Variants in SLC20A2 observed in about 807,000 individuals in gnomAD.
SLC20A2 encodes the protein sodium-dependent phosphate transporter 2.
In SLC20A2, 30 loss-of-function variants were observed where a neutral mutation model predicts 61.0. That is an observed-to-expected ratio of 0.49 (90% CI 0.37 to 0.67). The LOEUF (loss-of-function observed/expected upper bound fraction) is 0.67, where lower values mean the gene tolerates loss of function less well. Among genes scored for constraint, SLC20A2 ranks in the 30% least tolerant of loss-of-function variants. The probability of loss-of-function intolerance (pLI) is 0.00; values close to 1 mark genes in which losing one functional copy is unlikely to be tolerated. For missense variants in SLC20A2, 626 were observed against 866.4 expected, an observed-to-expected ratio of 0.72 and a Z score of 3.48; for synonymous variants, 351 against 353.3, an observed-to-expected ratio of 0.99 and a Z score of 0.07.
chr8:42,502,898 T>C (rs1455266198), upstream of SLC20A2, among the ~76,000 whole-genome samples: 7 of 152,240 alleles, frequency 4.6e-5, no homozygotes, highest in African/African-American at 1.4e-4. Context: ...TATTATGTCA[T>C]AGTTCAGGAC....
At chr8:42,445,275 G>C (rs1011024619) in intron 5 of SLC20A2, among the ~76,000 whole-genome samples, 13 of 151,918 alleles carry the variant, frequency 8.6e-5, no homozygotes, top group Non-Finnish European at 1.0e-4. Context: ...CTGGGCAACA[G>C]AGCGAGACTC....
At chr8:42,511,200 T>C (rs1396791062) in intron 1 of SLC20A2, among the ~76,000 whole-genome samples, 2 of 152,234 alleles carry the variant, frequency 1.3e-5, no homozygotes, top group Non-Finnish European at 2.9e-5. Context: ...GAAGGGCAGA[T>C]GCCCACGTGT....
chr8:42,537,031 C>T (rs1395763326), intron 1 of SLC20A2, among the ~76,000 whole-genome samples: 15 of 151,082 alleles, frequency 9.9e-5, no homozygotes, highest in Non-Finnish European at 1.5e-5. Flanking sequence ...GGCAAGATCG[C>T]GCTGCTGCAC....
chr8:42,430,748 C>T (rs1324468080), intron 8 of SLC20A2, among the ~76,000 whole-genome samples: 1 of 152,200 alleles, frequency 6.6e-6, no homozygotes, highest in African/African-American at 2.4e-5. Flanking sequence ...GCAGTATGTG[C>T]TCACGTCATG....
chr8:42,481,929 C>T (rs550816746), intron 1 of SLC20A2, among the ~76,000 whole-genome samples: 5 of 152,276 alleles, frequency 3.3e-5, no homozygotes, highest in African/African-American at 1.2e-4. Context: ...TTCTTCCCAG[C>T]CGTAAAGCTT....
chr8:42,506,933 C>G (rs1046360163), intron 1 of SLC20A2, among the ~76,000 whole-genome samples: 5 of 152,188 alleles, frequency 3.3e-5, no homozygotes, highest in Non-Finnish European at 7.3e-5. Flanking sequence ...CTTGCAACTT[C>G]GAAATGCCCG....
At chr8:42,440,113 A>G (rs1337594856) in intron 6 of SLC20A2, among the ~76,000 whole-genome samples, 1 of 151,954 alleles carries the variant, frequency 6.6e-6, no homozygotes, top group African/African-American at 2.4e-5. Flanking sequence ...AAAAGAAAAG[A>G]AAGTCAAAAG....
chr8:42,517,558 C>A (rs146231241), intron 1 of SLC20A2, among the ~76,000 whole-genome samples: 115 of 152,180 alleles, frequency 7.6e-4, no homozygotes, highest in African/African-American at 2.7e-3. Flanking sequence ...ATAAAATGTA[C>A]AAGTGTACAC....
At chr8:42,445,942 T>C (rs145065344) in intron 5 of SLC20A2, among the ~76,000 whole-genome samples, 12 of 152,308 alleles carry the variant, frequency 7.9e-5, no homozygotes, top group African/African-American at 2.6e-4. Flanking sequence ...TTGAAATCAA[T>C]TGAGAAATAA....
intron 1 of SLC20A2, among the ~76,000 whole-genome samples, chr8:42,518,321 A>G (rs1038931100): frequency 2.6e-5 from 4 of 152,226 alleles, no homozygotes; most frequent in Non-Finnish European, 5.9e-5. Context: ...ATTATTTTAC[A>G]TAAAGCCATA....
intron 5 of SLC20A2, among the ~76,000 whole-genome samples, chr8:42,450,121 A>T (rs1466564460): frequency 1.3e-5 from 2 of 152,186 alleles, no homozygotes; most frequent in Non-Finnish European, 2.9e-5. Context: ...ATTCTGAAAC[A>T]ACTTAGTTGA....
chr8:42,445,482 T>C (rs1298573023), intron 5 of SLC20A2, among the ~76,000 whole-genome samples: 2 of 151,846 alleles, frequency 1.3e-5, no homozygotes, highest in East Asian at 3.9e-4. Flanking sequence ...TCCCAGCACT[T>C]TGGGAGGCCG....
intron 1 of SLC20A2, among the ~76,000 whole-genome samples, chr8:42,482,953 G>C (rs1428304742): frequency 1.3e-5 from 2 of 152,178 alleles, no homozygotes; most frequent in Non-Finnish European, 2.9e-5. Flanking sequence ...GGCTGAGGCA[G>C]GAGAGTCGCT....
chr8:42,500,284 T>A (rs1810237909), intron 1 of SLC20A2, among the ~76,000 whole-genome samples: 1 of 152,246 alleles, frequency 6.6e-6, no homozygotes, highest in African/African-American at 2.4e-5. Context: ...CACTTCTAAA[T>A]AAGCAAGATG....
rs1381278651 is a variant in SLC20A2 at position 42,520,948 on chromosome 8, T to C, written c.-265+20873A>G. ...ATATGTTGGACTCAGCTGCAAATTA[T>C]ACAGAAAGATATTTTAAAACAAGGT... On this transcript the variant is annotated intron_variant, in intron 1 of 10. Coordinates refer to the SLC20A2 transcript ENST00000342228. Among the ~76,000 whole-genome samples, 3 of 121,112 alleles carry C rather than the reference T, an allele frequency of 2.5e-5. 1 individual carries two copies. The highest frequency in any genetic ancestry group is 7.6e-5 in the African/African-American group (3 of 39,446). The allele number at this position is 121,112 out of a possible 152,430, so 79.5% of individuals were successfully genotyped here. A position where few individuals can be genotyped will look rare whatever the true frequency, so the allele number is the denominator to read the frequency against.
chr8:42,437,370 C>G lies in SLC20A2; in HGVS notation c.1142G>C (p.Arg381Pro). The G allele has an allele frequency of 1.2e-6, 2 of 1,614,072 alleles. No homozygotes were observed. The highest frequency in any genetic ancestry group is 2.2e-5 in the South Asian group (2 of 91,062). ...GTAGCAGGTGTAACTGTTGTTTCGGCGCAGCAGCCGGTAGTTGCTTTCCTG... is the reference window on the plus strand; with the variant it reads ...GTAGCAGGTGTAACTGTTGTTTCGGGGCAGCAGCCGGTAGTTGCTTTCCTG... ...PAQESNYRLL[R>P]RNNSYTCYTA... is the part of the protein sequence containing the mutation. Residue 381 changes from arginine to proline, a missense_variant, in exon 8 of 11, where the codon CGC (arginine) becomes CCC (proline). Arg to Pro is a moderately radical substitution (Grantham distance 103). Coordinates refer to ENST00000520262, the MANE Select transcript of SLC20A2 (RefSeq NM_001257180.2). This position sits in a 1 kb window ranked among gnomAD's most constrained non-coding sequence, Gnocchi z 6.4.
intron 5 of SLC20A2, among the ~76,000 whole-genome samples, chr8:42,458,744 CT>C (rs1468105972): frequency 6.6e-6 from 1 of 151,110 alleles, no homozygotes; most frequent in Non-Finnish European, 1.5e-5. Flanking sequence ...CCTGTCTCTA[CT>C]AAAAATACAA....
Position 42,439,526 on chromosome 8 carries a change from C to T in SLC20A2, c.858G>A (p.Pro286=), listed in dbSNP as rs113803667. ...GAKANDDSTI[P]LTGAAGETLG... Reference sequence around the variant, plus strand: ...GTGTCTCCCCTGCTGCTCCCGTGAGCGGGATGGTGCTGTCATCATTAGCCT... The same window carrying T: ...GTGTCTCCCCTGCTGCTCCCGTGAGTGGGATGGTGCTGTCATCATTAGCCT... Residue 286 remains proline, a synonymous_variant, in exon 7 of 11, where the codon CCG becomes CCA. Coordinates refer to ENST00000520262, the MANE Select transcript of SLC20A2 (RefSeq NM_001257180.2). The T allele has an allele frequency of 5.5e-5, 89 of 1,614,180 alleles. 4 individuals carry two copies. Among genetic ancestry groups the T allele is most frequent in the African/African-American group, 4.0e-4 (30 of 75,030 alleles).
At chr8:42,520,686 A>G in intron 1 of SLC20A2, among the ~76,000 whole-genome samples, 1 of 117,050 alleles carries the variant, frequency 8.5e-6, no homozygotes, top group South Asian at 3.2e-4. Context: ...AGATCATGCC[A>G]CTGCACTCCA....
Sources: allele counts gnomAD v4.1 joint callset (sites outside exome capture counted in the v4.1 genomes callset), GRCh38; gene constraint gnomAD v4.1.1; non-coding constraint Gnocchi (gnomAD v3.1); transcripts MANE v1.5; gene names NCBI Gene and HGNC (gene_info 2026-07-23, HGNC 2026-07-21).